Variants in WDR19 observed in about 807,000 individuals in gnomAD.
WDR19 encodes the protein WD repeat-containing protein 19.
A neutral mutation model predicts 180.0 loss-of-function variants in WDR19; 121 were observed. That is an observed-to-expected ratio of 0.67 (90% CI 0.58 to 0.78). The LOEUF (loss-of-function observed/expected upper bound fraction) is 0.78. Ranked by LOEUF, WDR19 falls within the 30% of genes least tolerant of loss-of-function variation. The pLI is 0.00. For synonymous variants in WDR19, 497 were observed against 540.7 expected, an observed-to-expected ratio of 0.92 and a Z score of 1.12; for missense variants, 1,450 against 1,640.7, an observed-to-expected ratio of 0.88 and a Z score of 2.01.
chr4:39,268,955 C>T (rs535448278), intron 30 of WDR19, among the ~76,000 whole-genome samples: 11 of 152,072 alleles, frequency 7.2e-5, no homozygotes, highest in African/African-American at 2.2e-4. Flanking sequence ...AGGATGGAGA[C>T]GAGAGAAGGC....
rs569773734 is a variant in WDR19 at position 39,215,343 on chromosome 4, G to A, written c.962-498G>A. 1.2e-4 allele frequency among the ~76,000 whole-genome samples: 18 copies of A among 149,872 alleles called. No homozygotes were observed. In the South Asian group the frequency reaches 1.9e-3, roughly 16 times the overall value. ...TTTCTTTCTTTTTTTTTGAGACAGC[G>A]TCTTGTTTTGTTGCTCAGGCTTACT... is the stretch of plus-strand genomic sequence containing the variant. On this transcript the variant is annotated intron_variant, in intron 10 of 36. Coordinates refer to ENST00000399820, the MANE Select transcript of WDR19 (RefSeq NM_025132.4).
chr4:39,279,945 C>T (rs1400304998), intron 36 of WDR19, among the ~76,000 whole-genome samples: 1 of 151,948 alleles, frequency 6.6e-6, no homozygotes, highest in East Asian at 1.9e-4. Flanking sequence ...TCATGCGATT[C>T]GCCGGCCTCA....
At chr4:39,255,096 T>C (rs1243914802) in intron 26 of WDR19, among the ~76,000 whole-genome samples, 1 of 152,190 alleles carries the variant, frequency 6.6e-6, no homozygotes, top group Non-Finnish European at 1.5e-5. Context: ...GGAGTACAGA[T>C]AGGCAACTTT....
chr4:39,183,725 T>G (rs1725219392), intron 1 of WDR19, among the ~76,000 whole-genome samples: 1 of 152,220 alleles, frequency 6.6e-6, no homozygotes. Context: ...AGTTGAGAAT[T>G]TTTTGCTGGA....
intron 5 of WDR19, among the ~76,000 whole-genome samples, chr4:39,197,446 GAAAGAA>G (rs1726878478): frequency 7.5e-6 from 1 of 133,754 alleles, no homozygotes; most frequent in Non-Finnish European, 1.6e-5. Flanking sequence ...AAAAAAAAAA[GAAAGAA>G]AAAGAAAAGA....
chr4:39,221,878 T>A (rs184649654), intron 14 of WDR19, among the ~76,000 whole-genome samples: 149 of 152,314 alleles, frequency 9.8e-4, no homozygotes, highest in Middle Eastern at 3.4e-3. Context: ...GTAGTAGTAG[T>A]CTATAGTATG....
intron 28 of WDR19, among the ~76,000 whole-genome samples, chr4:39,261,509 T>C (rs1422187977): frequency 1.3e-5 from 2 of 152,198 alleles, no homozygotes; most frequent in African/African-American, 4.8e-5. Context: ...CCAGAAGGGC[T>C]CTGATTTGGG....
intron 4 of WDR19, among the ~76,000 whole-genome samples, chr4:39,190,478 A>G (rs1395920852): frequency 6.6e-6 from 1 of 152,246 alleles, no homozygotes; most frequent in Non-Finnish European, 1.5e-5. Flanking sequence ...TTGACCTTGG[A>G]CAAATTGCTT....
In WDR19 at chr4:39,205,739, A is replaced by G; in HGVS notation, c.890+3A>G. On this transcript the variant is annotated splice_donor_region_variant and intron_variant, in intron 9 of 36. Transcript: ENST00000399820. The stretch of plus-strand genomic sequence containing the variant: ...GTTGCTACATGTGGAGATAACTGGT[A>G]AGTTATTTTCACATATTTTTAGGAA... 1 of 1,588,424 alleles carries G rather than the reference A, an allele frequency of 6.3e-7. No individual in the cohort carries two copies. The highest frequency in any genetic ancestry group is 8.6e-7 in the Non-Finnish European group (1 of 1,166,336).
chr4:39,282,454 A>G (rs1736638358), intron 36 of WDR19, among the ~76,000 whole-genome samples: 1 of 152,074 alleles, frequency 6.6e-6, no homozygotes, highest in Non-Finnish European at 1.5e-5. Context: ...CCAGAGTGCA[A>G]TGATGCAATC....
intron 3 of WDR19, among the ~76,000 whole-genome samples, chr4:39,189,317 G>A (rs1030729889): frequency 2.0e-5 from 3 of 152,168 alleles, no homozygotes; most frequent in African/African-American, 7.2e-5. Flanking sequence ...GATTCCAGAT[G>A]TGATTCATTT....
intron 35 of WDR19, 42 bp from the exon 36 acceptor site, chr4:39,278,497 G>GT (rs780912252): frequency 6.7e-7 from 1 of 1,502,898 alleles, no homozygotes; most frequent in South Asian, 1.2e-5. Context: ...CTAAAGGAAT[G>GT]TTATATATTT....
intron 9 of WDR19, among the ~76,000 whole-genome samples, 199 bp from the exon 10 acceptor site, chr4:39,214,402 A>G (rs1336586128): frequency 1.3e-5 from 2 of 152,140 alleles, no homozygotes; most frequent in Non-Finnish European, 2.9e-5. Context: ...CAAACAAACA[A>G]CAACAACAAA....
At chr4:39,253,776 C>T in intron 25 of WDR19, 130 bp from the exon 26 acceptor site, 4 of 695,164 alleles carry the variant, frequency 5.8e-6, no homozygotes, top group Non-Finnish European at 6.6e-6. Context: ...GTGACTCCAT[C>T]TCAAAAAAAA....
At chr4:39,272,216 A>G (rs1735444780) in intron 31 of WDR19, among the ~76,000 whole-genome samples, 1 of 152,228 alleles carries the variant, frequency 6.6e-6, no homozygotes, top group Non-Finnish European at 1.5e-5. Flanking sequence ...GGGCACAGAA[A>G]CACATTGGTG....
chr4:39,202,862 A>G (rs1028456569), intron 6 of WDR19, among the ~76,000 whole-genome samples: 2 of 151,870 alleles, frequency 1.3e-5, no homozygotes, highest in African/African-American at 4.8e-5. Flanking sequence ...CGAGTTTTGT[A>G]ATTTTGAATT....
At chr4:39,224,101 G>A (rs555183140) in intron 14 of WDR19, among the ~76,000 whole-genome samples, 1 of 152,210 alleles carries the variant, frequency 6.6e-6, no homozygotes, top group East Asian at 1.9e-4. Flanking sequence ...TTGAGTAATT[G>A]TAAATGGTAT....
intron 20 of WDR19, among the ~76,000 whole-genome samples, chr4:39,238,809 T>G (rs537878568): frequency 6.6e-6 from 1 of 152,252 alleles, no homozygotes; most frequent in Non-Finnish European, 1.5e-5. Flanking sequence ...TCAGAGCTGA[T>G]TAATTTATCC....
In WDR19 at chr4:39,274,884, A is replaced by C. The variant is rs1203671326; in HGVS notation, c.3642A>C (p.Ala1214=). Residue 1214 remains alanine (A), a synonymous_variant, in exon 33 of 37, where the codon GCA becomes GCC. Coordinates refer to ENST00000399820, the MANE Select transcript of WDR19 (RefSeq NM_025132.4). ...TGAAGAACTCTGCTTTCAGCTTCGC[A>C]GCTATGTTGATGAGGCCTGAATACC... ...AGLKNSAFSF[A]AMLMRPEYRS... is the part of the protein sequence containing the mutation. The C allele has an allele frequency of 6.2e-7, 1 of 1,613,934 alleles. No individual in the cohort carries two copies. The highest frequency in any genetic ancestry group is 1.3e-5 in the African/African-American group (1 of 74,950).
Sources: gnomAD v4.1 joint callset for allele counts (sites outside exome capture counted in the v4.1 genomes callset) on GRCh38, gnomAD v4.1.1 for gene constraint, MANE v1.5 for transcripts, NCBI Gene and HGNC (gene_info 2026-07-23, HGNC 2026-07-21) for gene names.